The following SLC7A5 variants were observed in gnomAD, a reference collection of about 807,000 sequenced individuals.
SLC7A5 encodes the protein large neutral amino acids transporter small subunit 1.
In SLC7A5, 23 loss-of-function variants were observed where a neutral mutation model predicts 50.2. The observed-to-expected ratio is 0.46, with a 90% CI of 0.33 to 0.65. The LOEUF (loss-of-function observed/expected upper bound fraction) is 0.65. Ranked by LOEUF, SLC7A5 falls within the 30% of genes least tolerant of loss-of-function variation. The probability of loss-of-function intolerance (pLI) is 0.02; values close to 1 mark genes in which losing one functional copy is unlikely to be tolerated. For missense variants in SLC7A5, 578 were observed against 684.4 expected (o/e 0.84, Z 1.73); for synonymous variants, 393 against 330.6 (o/e 1.19, Z -2.05).
chr16:87,869,484 GC>G lies in SLC7A5; in HGVS notation c.-63del. On this transcript the variant is annotated 5_prime_UTR_variant, in exon 1 of 10. Transcript: ENST00000261622. ...CCGCGGCCCAGCGAGCAGTGTGCGC[GC>G]CGCCCGCCGCCCGCAGCTGCGTCAG... is the stretch of plus-strand genomic sequence containing the variant. 3.5e-6 allele frequency: 4 copies of G among 1,131,700 alleles called. No individual in the cohort carries two copies. In the East Asian group the frequency reaches 1.3e-4, roughly 36 times the overall value. The allele number at this position is 1,131,700 out of a possible 1,614,324, so 70.1% of individuals were successfully genotyped here.
At chr16:87,842,980 G>T (rs1191755939) in intron 2 of SLC7A5, among the ~76,000 whole-genome samples, 3 of 152,114 alleles carry the variant, frequency 2.0e-5, no homozygotes, top group African/African-American at 7.2e-5. Context: ...ACTTCTGCTG[G>T]GGGGAGCATC....
rs973124407 is a variant in SLC7A5, at chr16:87,833,648, G to A, written c.1469-623C>T. ...TCAGAGTGTGGGGTAGGGGTGGGGGGTCTCCCTGCCTGTGTTGCTGCCATC... is the reference window on the plus strand; with the variant it reads ...TCAGAGTGTGGGGTAGGGGTGGGGGATCTCCCTGCCTGTGTTGCTGCCATC... On this transcript the variant is annotated intron_variant, in intron 9 of 9. Coordinates refer to ENST00000261622, the MANE Select transcript of SLC7A5 (RefSeq NM_003486.7). This position sits in a 1 kb window ranked among gnomAD's most constrained non-coding sequence, Gnocchi z 6.0. Among the ~76,000 whole-genome samples, 3 of 150,602 alleles carry A rather than the reference G, an allele frequency of 2.0e-5. No individual in the cohort carries two copies. The highest frequency in any genetic ancestry group is 4.4e-5 in the Non-Finnish European group (3 of 67,990).
rs979999096 is a variant in SLC7A5, at chr16:87,853,571, A to T, written c.539-1722T>A. ...CCAACCCTCAGGGCTCAGCAGGGTCAGGTCAGTGGGTCTAGGCAGCTCCTT... is the reference window on the plus strand; with the variant it reads ...CCAACCCTCAGGGCTCAGCAGGGTCTGGTCAGTGGGTCTAGGCAGCTCCTT... On this transcript the variant is annotated intron_variant, in intron 1 of 9. Coordinates refer to ENST00000261622, the MANE Select transcript of SLC7A5 (RefSeq NM_003486.7). The surrounding 1 kb of genome is among the most constrained non-coding windows in gnomAD (Gnocchi z 4.4). Among the ~76,000 whole-genome samples the T allele has an allele frequency of 6.6e-6, 1 of 152,170 alleles. No homozygotes were observed. The highest frequency in any genetic ancestry group is 1.9e-4 in the East Asian group (1 of 5,184).
intron 2 of SLC7A5, among the ~76,000 whole-genome samples, chr16:87,842,572 C>T (rs2055095094): frequency 6.6e-6 from 1 of 152,244 alleles, no homozygotes; most frequent in Non-Finnish European, 1.5e-5. Context: ...GCACCTGCTT[C>T]CCCGTGGCGT....
rs1423784752 is a variant in SLC7A5, at chr16:87,855,464, C to A, written c.539-3615G>T. On this transcript the variant is annotated intron_variant, in intron 1 of 9. Transcript: ENST00000261622. ...CTGCTCAATCACACACGTGCACACACACGCACAGCACCCCCACAACTTGTA... is the reference window on the plus strand; with the variant it reads ...CTGCTCAATCACACACGTGCACACAAACGCACAGCACCCCCACAACTTGTA... 3.3e-5 allele frequency among the ~76,000 whole-genome samples: 5 copies of A among 152,194 alleles called. No homozygotes were observed. In the South Asian group the frequency reaches 1.0e-3, roughly 31 times the overall value.
At chr16:87,854,711 G>A (rs7194400) in intron 1 of SLC7A5, among the ~76,000 whole-genome samples, 2,058 of 152,376 alleles carry the variant, frequency 0.014, 53 homozygotes, top group African/African-American at 0.047. Flanking sequence ...GGGATACCCC[G>A]TGGCGTGGCT....
intron 1 of SLC7A5, among the ~76,000 whole-genome samples, chr16:87,863,099 G>C (rs1398695547): frequency 2.0e-5 from 3 of 152,246 alleles, no homozygotes; most frequent in Non-Finnish European, 4.4e-5. Context: ...CTGCTTTCAA[G>C]GCATGGAGGA....
intron 2 of SLC7A5, among the ~76,000 whole-genome samples, chr16:87,848,504 G>C (rs1448599245): frequency 2.0e-5 from 3 of 152,222 alleles, no homozygotes; most frequent in Non-Finnish European, 2.9e-5. Context: ...TTTCGAAAAG[G>C]CTGGGACTAA....
At position 87,839,514 on chromosome 16, in the gene SLC7A5, A is replaced by G. The variant is rs577829822; in HGVS notation, c.939+188T>C. Among the ~76,000 whole-genome samples, 9 of 152,230 alleles carry G rather than the reference A, an allele frequency of 5.9e-5. No individual in the cohort carries two copies. In the East Asian group the frequency reaches 1.7e-3, roughly 29 times the overall value. On this transcript the variant is annotated intron_variant, in intron 5 of 9. Transcript: ENST00000261622. ...AGCTGAGCTTGAGGATGATCCCCAGACACTTCCTCTGCGGTCGCTGTGAGG... is the reference window on the plus strand; with the variant it reads ...AGCTGAGCTTGAGGATGATCCCCAGGCACTTCCTCTGCGGTCGCTGTGAGG...
At position 87,839,685 on chromosome 16, in the gene SLC7A5, G is replaced by A. The variant is rs757615667; in HGVS notation, c.939+17C>T. On this transcript the variant is annotated intron_variant, in intron 5 of 9. Transcript: ENST00000261622. ...GCCTCTCAGGCCCCTGGTGGAAGCT[G>A]GCGGGTAGCGGCTCACCACGGCCAC... 2 of 1,612,866 alleles carry A rather than the reference G, an allele frequency of 1.2e-6. No individual in the cohort carries two copies. Among genetic ancestry groups the A allele is most frequent in the East Asian group, 2.2e-5 (1 of 44,856 alleles).
At chr16:87,839,883 T>C (rs2055062102) in intron 4 of SLC7A5, 58 bp from the exon 5 acceptor site, 1 of 1,609,622 alleles carries the variant, frequency 6.2e-7, no homozygotes, top group Non-Finnish European at 8.5e-7. Flanking sequence ...GGCCAAACCC[T>C]GTGCCCAGGA....
chr16:87,846,342 G>A (rs980697519), intron 2 of SLC7A5, among the ~76,000 whole-genome samples: 4 of 152,238 alleles, frequency 2.6e-5, no homozygotes, highest in South Asian at 2.1e-4. Context: ...AGCTGTGGCC[G>A]ACTCCTCCCT....
intron 8 of SLC7A5, among the ~76,000 whole-genome samples, chr16:87,835,827 AAC>A (rs2054995849): frequency 6.6e-6 from 1 of 152,192 alleles, no homozygotes; most frequent in African/African-American, 2.4e-5. Context: ...AGGCTTCGGG[AAC>A]ACAGAGGGAG....
chr16:87,850,199 G>GT (rs2055202388), intron 2 of SLC7A5, among the ~76,000 whole-genome samples: 1 of 152,220 alleles, frequency 6.6e-6, no homozygotes, highest in African/African-American at 2.4e-5. Context: ...TGCGTGCTGG[G>GT]TGCTGGGTGC....
At chr16:87,848,851 A>G (rs560866237) in intron 2 of SLC7A5, among the ~76,000 whole-genome samples, 34 of 152,342 alleles carry the variant, frequency 2.2e-4, no homozygotes, top group African/African-American at 7.5e-4. Flanking sequence ...ACGGGACAGA[A>G]GATGGTTCTG....
At chr16:87,849,728 C>A (rs1450569132) in intron 2 of SLC7A5, among the ~76,000 whole-genome samples, 1 of 152,092 alleles carries the variant, frequency 6.6e-6, no homozygotes, top group Non-Finnish European at 1.5e-5. Flanking sequence ...AGTAAGGTGC[C>A]GGAACCTGAG....
chr16:87,869,344 G>A lies in SLC7A5; in HGVS notation c.79C>T (p.Leu27=). Residue 27 remains leucine, a synonymous_variant, in exon 1 of 10, where the codon CTG becomes TTG. Coordinates refer to ENST00000261622, the MANE Select transcript of SLC7A5 (RefSeq NM_003486.7). ...GAGCCGTCCGCGCTCTTGGCGGCCA[G>A]CATCTTCTCCCGCGCCTCTTCCTTC... The part of the protein sequence containing the change: ...EEKEEAREKM[L]AAKSADGSAP... The A allele has an allele frequency of 1.2e-6, 2 of 1,609,474 alleles. No individual in the cohort carries two copies. Among genetic ancestry groups the A allele is most frequent in the Non-Finnish European group, 8.5e-7 (1 of 1,179,026 alleles).
chr16:87,859,590 C>T (rs1001935109), intron 1 of SLC7A5, among the ~76,000 whole-genome samples: 8 of 152,162 alleles, frequency 5.3e-5, no homozygotes, highest in African/African-American at 1.7e-4. Context: ...GTCACACAGG[C>T]CTTGTTATAC....
chr16:87,832,718 A>G lies in SLC7A5; in HGVS notation c.*252T>C. 44 of 354,414 alleles carry G rather than the reference A, an allele frequency of 1.2e-4. No individual in the cohort carries two copies. Among genetic ancestry groups the G allele is most frequent in the East Asian group, 2.1e-4 (4 of 19,278 alleles). 22.0% of individuals were successfully genotyped at this position (354,414 alleles called of 1,614,324 possible). A position where few individuals can be genotyped will look rare whatever the true frequency, so the allele number is the denominator to read the frequency against. ...AGTAAACAAAGGAGGGAAGGGAAAA[A>G]GGGCCCAAGGAGACCAAAAGCTGCT... On this transcript the variant is annotated 3_prime_UTR_variant, in exon 10 of 10. Coordinates refer to ENST00000261622, the MANE Select transcript of SLC7A5 (RefSeq NM_003486.7). This position sits in a 1 kb window ranked among gnomAD's most constrained non-coding sequence, Gnocchi z 4.6.
Sources: allele counts gnomAD v4.1 joint callset (sites outside exome capture counted in the v4.1 genomes callset), GRCh38; gene constraint gnomAD v4.1.1; non-coding constraint Gnocchi (gnomAD v3.1); transcripts MANE v1.5; gene names NCBI Gene and HGNC (gene_info 2026-07-23, HGNC 2026-07-21).